The following FERMT3 variants were observed in gnomAD, a reference collection of about 807,000 sequenced individuals.
FERMT3 encodes the protein FERM domain containing kindlin 3.
Under a neutral mutation model 80.8 loss-of-function variants are expected in FERMT3, and 33 were observed. The ratio of observed to expected loss-of-function variants is 0.41; its 90% CI spans 0.31 to 0.55. FERMT3 has a LOEUF of 0.55. Among genes scored for constraint, FERMT3 ranks in the 20% least tolerant of loss-of-function variants. FERMT3 has a pLI of 0.31. For synonymous variants in FERMT3, 375 were observed against 372.2 expected (o/e 1.01, Z -0.09); for missense variants, 754 against 908.7 (o/e 0.83, Z 2.19).
Position 64,218,060 on chromosome 11 carries a change from G to T in FERMT3, c.787-1191G>T, listed in dbSNP as rs200401061. On this transcript the variant is annotated intron_variant, in intron 6 of 14. Transcript: ENST00000345728. ...GCTCTGTCGCCCAGGCTGGAGTGCA[G>T]TGGCACGATCTCGGCTCACTGCAAG... 5.1e-5 allele frequency among the ~76,000 whole-genome samples: 7 copies of T among 138,476 alleles called. No individual in the cohort carries two copies. In the East Asian group the frequency reaches 1.3e-3, roughly 26 times the overall value. 90.8% of individuals were successfully genotyped at this position (138,476 alleles called of 152,430 possible).
rs1319704468 is a variant in FERMT3, at chr11:64,223,142, C to T, written c.1765C>T (p.Arg589Cys). 6 of 1,613,960 alleles carry T rather than the reference C, an allele frequency of 3.7e-6. No homozygotes were observed. Among genetic ancestry groups the T allele is most frequent in the South Asian group, 1.1e-5 (1 of 91,090 alleles). ...LAVGDVVKTW[R>C]FSNMRQWNVN... ...CGTGGGCGACGTGGTCAAGACCTGG[C>T]GTTTCAGCAACATGCGCCAGTGGAA... The change falls in exon 14 of 15, where the codon CGT becomes TGT. Residue 589 changes from arginine (R) to cysteine (C), a missense_variant. Physicochemically the swap from Arg to Cys is radical, Grantham distance 180. Coordinates refer to ENST00000345728, the MANE Select transcript of FERMT3 (RefSeq NM_031471.6).
At chr11:64,207,724 C>T (rs1946345247) in intron 2 of FERMT3, 200 bp downstream of exon 2, 1 of 623,660 alleles carries the variant, frequency 1.6e-6, no homozygotes, top group Non-Finnish European at 2.7e-6. Flanking sequence ...TCCCTCCCTT[C>T]TGCTGCAGCT....
upstream of FERMT3, chr11:64,206,660 G>C (rs921800369): frequency 6.5e-6 from 1 of 152,684 alleles, no homozygotes; most frequent in African/African-American, 2.4e-5. Flanking sequence ...GCGCCAGCCC[G>C]CCCTGGGGAG....
At chr11:64,214,847 G>A (rs532288369) in intron 6 of FERMT3, among the ~76,000 whole-genome samples, 2 of 149,948 alleles carry the variant, frequency 1.3e-5, no homozygotes, top group South Asian at 4.2e-4. Context: ...TTGTTGCCCA[G>A]GCTGGAGTGC....
At chr11:64,209,856 C>T (rs963192047) in intron 2 of FERMT3, among the ~76,000 whole-genome samples, 1 of 152,180 alleles carries the variant, frequency 6.6e-6, no homozygotes, top group African/African-American at 2.4e-5. Flanking sequence ...TTCCTATGCT[C>T]TCTCCCACCT....
At chr11:64,208,116 C>T (rs1209111633) in intron 2 of FERMT3, among the ~76,000 whole-genome samples, 1 of 151,474 alleles carries the variant, frequency 6.6e-6, no homozygotes, top group Non-Finnish European at 1.5e-5. Flanking sequence ...CCACCACAGT[C>T]CCGGCCAAGA....
intron 13 of FERMT3, among the ~76,000 whole-genome samples, chr11:64,221,710 C>G (rs565326146): frequency 7.0e-6 from 1 of 142,992 alleles, no homozygotes; most frequent in Non-Finnish European, 1.5e-5. Flanking sequence ...GGGCAGATCA[C>G]GAGGTCAGGA....
Position 64,219,206 on chromosome 11 carries a change from G to GC in FERMT3, c.787-44dup. 1 of 1,531,816 alleles carries GC rather than the reference G, an allele frequency of 6.5e-7. No individual in the cohort carries two copies. The highest frequency in any genetic ancestry group is 8.9e-7 in the Non-Finnish European group (1 of 1,129,940). 94.9% of individuals were successfully genotyped at this position (1,531,816 alleles called of 1,614,324 possible). A position where few individuals can be genotyped will look rare whatever the true frequency, so the allele number is the denominator to read the frequency against. ...CAGTGCAGGGCGTCCAGGGCAGCTG[G>GC]CATCTGACCAGCCCAGCCTCCAGCC... is the stretch of plus-strand genomic sequence containing the variant. On this transcript the variant is annotated intron_variant, in intron 6 of 14. Transcript: ENST00000345728. The surrounding 1 kb of genome is among the most constrained non-coding windows in gnomAD (Gnocchi z 4.0).
chr11:64,207,535 G>T lies in FERMT3; in HGVS notation c.160+11G>T. 2 of 1,592,936 alleles carry T rather than the reference G, an allele frequency of 1.3e-6. No individual in the cohort carries two copies. Among genetic ancestry groups the T allele is most frequent in the Non-Finnish European group, 1.7e-6 (2 of 1,165,756 alleles). ...TTGTGGAGCAGATCAGTGAGTGTCCGCTGCCCGCTTGCTGAACTCGGCACC... is the reference window on the plus strand; with the variant it reads ...TTGTGGAGCAGATCAGTGAGTGTCCTCTGCCCGCTTGCTGAACTCGGCACC... On this transcript the variant is annotated intron_variant, in intron 2 of 14. Coordinates refer to ENST00000345728, the MANE Select transcript of FERMT3 (RefSeq NM_031471.6).
At chr11:64,218,513 CA>C (rs1243304568) in intron 6 of FERMT3, among the ~76,000 whole-genome samples, 4 of 151,098 alleles carry the variant, frequency 2.6e-5, no homozygotes, top group African/African-American at 9.8e-5. Flanking sequence ...CCATGTTGCC[CA>C]AGCTGGTCTG....
At chr11:64,209,451 C>T (rs1306097470) in intron 2 of FERMT3, among the ~76,000 whole-genome samples, 3 of 152,108 alleles carry the variant, frequency 2.0e-5, no homozygotes, top group African/African-American at 4.8e-5. Flanking sequence ...GGGGACCTGG[C>T]CGAGGCAGGA....
intron 2 of FERMT3, among the ~76,000 whole-genome samples, chr11:64,208,679 G>A (rs1263082492): frequency 6.6e-6 from 1 of 152,198 alleles, no homozygotes; most frequent in Non-Finnish European, 1.5e-5. Context: ...CCCAGGATGG[G>A]GATAACCCCA....
At position 64,219,237 on chromosome 11, in the gene FERMT3, TC is replaced by T. The variant is rs748191376; in HGVS notation, c.787-8del. ...GACCAGCCCAGCCTCCAGCCTCCTC[TC>T]CCCCCGCTCCAGACAGACCCCGTGC... On this transcript the variant is annotated splice_polypyrimidine_tract_variant and intron_variant, in intron 6 of 14. Coordinates refer to ENST00000345728, the MANE Select transcript of FERMT3 (RefSeq NM_031471.6). This position sits in a 1 kb window ranked among gnomAD's most constrained non-coding sequence, Gnocchi z 4.0. 14 of 1,570,116 alleles carry T rather than the reference TC, an allele frequency of 8.9e-6. No individual in the cohort carries two copies. The Admixed American group carries it at 9.4e-5, about 11-fold the overall frequency.
In FERMT3 at chr11:64,219,095, G is replaced by A. The variant is rs1463584371; in HGVS notation, c.787-156G>A. Among the ~76,000 whole-genome samples the A allele has an allele frequency of 6.6e-6, 1 of 152,226 alleles. No homozygotes were observed. Among genetic ancestry groups the A allele is most frequent in the African/African-American group, 2.4e-5 (1 of 41,464 alleles). On this transcript the variant is annotated intron_variant, in intron 6 of 14. Coordinates refer to ENST00000345728, the MANE Select transcript of FERMT3 (RefSeq NM_031471.6). The surrounding 1 kb of genome is among the most constrained non-coding windows in gnomAD (Gnocchi z 4.0). ...GGGCTAGCAGGCTATTAAGGATGGG[G>A]TTGAGGTCTGTGGCCCATGTCTGGC...
Position 64,207,410 on chromosome 11 carries a change from T to C in FERMT3, c.46T>C (p.Trp16Arg). Reference protein sequence around the residue: ...TASGDYIDSSWELRVFVGEED... With the variant: ...TASGDYIDSSRELRVFVGEED... The stretch of plus-strand genomic sequence containing the variant: ...CTCCGGGGACTACATCGACTCGTCA[T>C]GGGAGCTGCGGGTGTTTGTGGGAGA... Residue 16 changes from tryptophan to arginine, a missense_variant, in exon 2 of 15, where the codon TGG (tryptophan) becomes CGG (arginine). By Grantham distance (101) the Trp-to-Arg change is moderately radical. Transcript: ENST00000345728. 2.5e-6 allele frequency: 4 copies of C among 1,614,154 alleles called. No homozygotes were observed. Among genetic ancestry groups the C allele is most frequent in the Non-Finnish European group, 3.4e-6 (4 of 1,180,014 alleles).
intron 6 of FERMT3, among the ~76,000 whole-genome samples, chr11:64,217,465 C>T (rs1475950432): frequency 6.6e-6 from 1 of 152,126 alleles, no homozygotes; most frequent in Non-Finnish European, 1.5e-5. Flanking sequence ...AGGAGAATCG[C>T]TTGAACCCGG....
rs1179280983 is a variant in FERMT3, at chr11:64,216,534, C to T, written c.787-2717C>T. Among the ~76,000 whole-genome samples the T allele has an allele frequency of 8.9e-5, 13 of 145,446 alleles. 1 individual carries two copies. Among genetic ancestry groups the T allele is most frequent in the Non-Finnish European group, 3.0e-5 (2 of 65,866 alleles). Reference sequence around the variant, plus strand: ...TTTTTTCGCCGGGCGCGGTGGCTCACGCCTGTAATCCCAGCACTTTGGGAG... The same window carrying T: ...TTTTTTCGCCGGGCGCGGTGGCTCATGCCTGTAATCCCAGCACTTTGGGAG... On this transcript the variant is annotated intron_variant, in intron 6 of 14. Coordinates refer to ENST00000345728, the MANE Select transcript of FERMT3 (RefSeq NM_031471.6).
Position 64,223,439 on chromosome 11 carries a change from G to A in FERMT3, c.1939G>A (p.Glu647Lys). 1.9e-6 allele frequency: 3 copies of A among 1,613,038 alleles called. No homozygotes were observed. Among genetic ancestry groups the A allele is most frequent in the Non-Finnish European group, 2.5e-6 (3 of 1,180,030 alleles). ...GACGCGGGAGCGGGCCCGTGGGGAG[G>A]AGCTGGATGAAGACCTCTTCCTGCA... is the stretch of plus-strand genomic sequence containing the variant. ...LSTRERARGE[E>K]LDEDLFLQLT... The change falls in exon 15 of 15, where the codon GAG becomes AAG. Residue 647 changes from glutamate to lysine, a missense_variant. Physicochemically the swap from Glu to Lys is moderately conservative, Grantham distance 56 (BLOSUM62 1). Transcript: ENST00000345728.
At position 64,210,456 on chromosome 11, in the gene FERMT3, A is replaced by G. The variant is rs1020863767; in HGVS notation, c.161-155A>G. On this transcript the variant is annotated intron_variant, in intron 2 of 14. Coordinates refer to ENST00000345728, the MANE Select transcript of FERMT3 (RefSeq NM_031471.6). The surrounding 1 kb of genome is among the most constrained non-coding windows in gnomAD (Gnocchi z 4.3). ...TGCAGAGAGCCCTGCTGCTGTTACC[A>G]TGGGGTAGACCCCAGGCCCGCCCAG... is the stretch of plus-strand genomic sequence containing the variant. Among the ~76,000 whole-genome samples, 1 of 152,166 alleles carries G rather than the reference A, an allele frequency of 6.6e-6. No individual in the cohort carries two copies. Among genetic ancestry groups the G allele is most frequent in the Admixed American group, 6.5e-5 (1 of 15,278 alleles).
Sources: gnomAD v4.1 joint callset for allele counts (sites outside exome capture counted in the v4.1 genomes callset) on GRCh38, gnomAD v4.1.1 for gene constraint, Gnocchi (gnomAD v3.1) non-coding constraint, MANE v1.5 for transcripts, NCBI Gene and HGNC (gene_info 2026-07-23, HGNC 2026-07-21) for gene names.